CCDC148: variants seen among roughly 807,000 people sequenced by gnomAD.
CCDC148 encodes coiled-coil domain-containing protein 148.
Under a neutral mutation model 85.7 loss-of-function variants are expected in CCDC148, and 89 were observed. The observed-to-expected ratio is 1.04, with a 90% confidence interval of 0.87 to 1.24. CCDC148 has a LOEUF of 1.24. Among genes scored for constraint, CCDC148 ranks in the 50% most tolerant of loss-of-function variants. CCDC148 has a pLI of 0.00. For synonymous variants in CCDC148, 230 were observed against 213.9 expected, an observed-to-expected ratio of 1.08 and a Z score of -0.66; for missense variants, 692 against 671.7, an observed-to-expected ratio of 1.03 and a Z score of -0.33.
chr2:158,260,543 A>G (rs1488460302), intron 9 of CCDC148, among the ~76,000 whole-genome samples: 1 of 152,084 alleles, frequency 6.6e-6, no homozygotes, highest in African/African-American at 2.4e-5. Flanking sequence ...AATAAAGGGC[A>G]TCCAAATAGA....
intron 9 of CCDC148, among the ~76,000 whole-genome samples, chr2:158,280,277 T>A (rs1471796473): frequency 6.6e-6 from 1 of 152,116 alleles, no homozygotes; most frequent in African/African-American, 2.4e-5. Context: ...CACATAACAA[T>A]ATTAGCTTTA....
At chr2:158,312,608 A>G (rs1207014039) in intron 8 of CCDC148, among the ~76,000 whole-genome samples, 2 of 151,682 alleles carry the variant, frequency 1.3e-5, no homozygotes, top group African/African-American at 2.4e-5. Flanking sequence ...CCAAAAAACA[A>G]AAAAGTAAAT....
intron 11 of CCDC148, among the ~76,000 whole-genome samples, chr2:158,217,709 T>C (rs1457414643): frequency 6.6e-6 from 1 of 151,944 alleles, no homozygotes; most frequent in East Asian, 1.9e-4. Context: ...CGGTCGAATA[T>C]TGTTTTTAAG....
intron 1 of CCDC148, among the ~76,000 whole-genome samples, chr2:158,378,965 C>A (rs570547704): frequency 6.6e-6 from 1 of 152,084 alleles, no homozygotes; most frequent in South Asian, 2.1e-4. Context: ...CTGCAGCCCA[C>A]GGATCAGAAG....
chr2:158,331,907 C>G (rs183674502), intron 7 of CCDC148, among the ~76,000 whole-genome samples: 1 of 152,076 alleles, frequency 6.6e-6, no homozygotes, highest in Admixed American at 6.6e-5. Flanking sequence ...TGTCTCTGCA[C>G]GAGAGATGGG....
At chr2:158,263,014 C>G (rs1373714543) in intron 9 of CCDC148, among the ~76,000 whole-genome samples, 3 of 152,064 alleles carry the variant, frequency 2.0e-5, no homozygotes, top group Non-Finnish European at 2.9e-5. Context: ...TTTAGCCTGA[C>G]AAATTTCTTA....
At chr2:158,253,025 AT>A (rs895802231) in intron 9 of CCDC148, among the ~76,000 whole-genome samples, 4 of 151,614 alleles carry the variant, frequency 2.6e-5, no homozygotes, top group African/African-American at 9.7e-5. Flanking sequence ...GGTAGTTTGG[AT>A]TTTTTTTATT....
intron 10 of CCDC148, among the ~76,000 whole-genome samples, chr2:158,231,580 C>T (rs1353905752): frequency 6.6e-6 from 1 of 152,172 alleles, no homozygotes; most frequent in African/African-American, 2.4e-5. Context: ...ATTGCCTTCT[C>T]AGCCTTTCTC....
At chr2:158,205,253 G>A (rs182491158) in intron 11 of CCDC148, among the ~76,000 whole-genome samples, 3 of 152,266 alleles carry the variant, frequency 2.0e-5, no homozygotes, top group Admixed American at 2.0e-4. Flanking sequence ...GTAGGAGTGG[G>A]GAGTAAGAGA....
intron 1 of CCDC148, among the ~76,000 whole-genome samples, chr2:158,423,064 C>T (rs1382133073): frequency 6.6e-6 from 1 of 152,132 alleles, no homozygotes; most frequent in East Asian, 1.9e-4. Context: ...CAAACCACTG[C>T]TCAACGAAAT....
At chr2:158,373,557 A>G (rs888672938) in intron 1 of CCDC148, among the ~76,000 whole-genome samples, 2 of 152,054 alleles carry the variant, frequency 1.3e-5, no homozygotes, top group Non-Finnish European at 2.9e-5. Flanking sequence ...AGCTTCTCCT[A>G]ATCCAGACAG....
rs1031256412 is a variant in CCDC148, at chr2:158,434,882, T to C, written c.25+21533A>G. Reference sequence around the variant, plus strand: ...AAGTGCAAGAAAGGGTATCAGTGATTGAAGATCAAATGAATGAAATGAAGC... The same window carrying C: ...AAGTGCAAGAAAGGGTATCAGTGATCGAAGATCAAATGAATGAAATGAAGC... On this transcript the variant is annotated intron_variant, in intron 1 of 13. Coordinates refer to ENST00000283233, the MANE Select transcript of CCDC148 (RefSeq NM_138803.4). Among the ~76,000 whole-genome samples, 4 of 152,222 alleles carry C rather than the reference T, an allele frequency of 2.6e-5. No individual in the cohort carries two copies. In the East Asian group the frequency reaches 7.7e-4, roughly 29 times the overall value.
At chr2:158,419,982 T>TTG (rs1263230874) in intron 1 of CCDC148, 30 of 152,286 alleles carry the variant, frequency 2.0e-4, no homozygotes, top group African/African-American at 7.2e-4. Flanking sequence ...AGCAACCTAG[T>TTG]CTGCATGCCA....
At chr2:158,349,484 T>C (rs928019112) in intron 2 of CCDC148, among the ~76,000 whole-genome samples, 3 of 151,896 alleles carry the variant, frequency 2.0e-5, no homozygotes, top group African/African-American at 7.2e-5. Flanking sequence ...GAGATACTAT[T>C]ATAATAATAA....
chr2:158,417,280 A>G (rs763933117), intron 1 of CCDC148, among the ~76,000 whole-genome samples: 1 of 152,184 alleles, frequency 6.6e-6, no homozygotes, highest in East Asian at 1.9e-4. Context: ...GCCACAGATA[A>G]TTCCCTCAAA....
intron 9 of CCDC148, among the ~76,000 whole-genome samples, chr2:158,276,667 T>G (rs1689962124): frequency 6.6e-6 from 1 of 152,144 alleles, no homozygotes; most frequent in Admixed American, 6.5e-5. Flanking sequence ...GAGCTGAAAC[T>G]CCATTCAGAC....
chr2:158,306,577 A>G (rs986038153), intron 9 of CCDC148, among the ~76,000 whole-genome samples: 150 of 152,064 alleles, frequency 9.9e-4, no homozygotes, highest in Non-Finnish European at 1.7e-3. Flanking sequence ...CTATCACAAG[A>G]ACAAAAAACC....
intron 1 of CCDC148, among the ~76,000 whole-genome samples, chr2:158,407,775 T>C (rs1025403911): frequency 6.6e-6 from 1 of 152,176 alleles, no homozygotes. Flanking sequence ...GGTAATTGTA[T>C]GCAAAATTTG....
rs376928854 is a variant in CCDC148 at position 158,301,703 on chromosome 2, A to G, written c.1110+7730T>C. Among the ~76,000 whole-genome samples, 10 of 152,352 alleles carry G rather than the reference A, an allele frequency of 6.6e-5. No individual in the cohort carries two copies. The South Asian group carries it at 1.4e-3, about 22-fold the overall frequency. ...TAAGATATGGCAAGATAGGTTTTACAGAATCTGAGGGAGTAAAGAATGTCA... is the reference window on the plus strand; with the variant it reads ...TAAGATATGGCAAGATAGGTTTTACGGAATCTGAGGGAGTAAAGAATGTCA... On this transcript the variant is annotated intron_variant, in intron 9 of 13. Coordinates refer to ENST00000283233, the MANE Select transcript of CCDC148 (RefSeq NM_138803.4).
Sources: allele counts gnomAD v4.1 joint callset (sites outside exome capture counted in the v4.1 genomes callset), GRCh38; gene constraint gnomAD v4.1.1; transcripts MANE v1.5; gene names NCBI Gene and HGNC (gene_info 2026-07-23, HGNC 2026-07-21).